Variants in FTCDNL1 observed in about 807,000 individuals in gnomAD.
FTCDNL1 encodes the protein formiminotransferase cyclodeaminase N-terminal like.
Under a neutral mutation model 5.9 loss-of-function variants are expected in FTCDNL1, and 11 were observed. The observed-to-expected ratio is 1.87, with a 90% CI of 1.18 to 3.10. The LOEUF (loss-of-function observed/expected upper bound fraction) is 3.10. Ranked by LOEUF, FTCDNL1 falls within the 30% of genes most tolerant of loss-of-function variation. The pLI, the probability that FTCDNL1 is intolerant of heterozygous loss-of-function variation, is 0.00. For missense variants in FTCDNL1, 115 were observed against 65.5 expected, an observed-to-expected ratio of 1.76 and a Z score of -2.61; for synonymous variants, 58 against 24.8, an observed-to-expected ratio of 2.34 and a Z score of -3.99.
the FTCDNL1 span, among the ~76,000 whole-genome samples, chr2:199,718,194 AT>A: frequency 1.9e-4 from 29 of 151,826 alleles, no homozygotes; most frequent in Admixed American, 6.6e-5. Context: ...CAAACAGGCA[AT>A]TTTTCAACCT....
chr2:199,667,054 G>A, the FTCDNL1 span, among the ~76,000 whole-genome samples: 5 of 151,990 alleles, frequency 3.3e-5, no homozygotes, highest in African/African-American at 1.2e-4. Flanking sequence ...TGAGGAGTGG[G>A]GACTGTGATT....
the FTCDNL1 span, among the ~76,000 whole-genome samples, chr2:199,723,212 GT>G: frequency 6.6e-6 from 1 of 151,772 alleles, no homozygotes; most frequent in Non-Finnish European, 1.5e-5. Context: ...CATAATGCTT[GT>G]GATTTTTGCA....
chr2:199,666,891 A>G, the FTCDNL1 span, among the ~76,000 whole-genome samples: 1 of 151,194 alleles, frequency 6.6e-6, no homozygotes. Flanking sequence ...AGGCTGGGCA[A>G]CAGAGCAAGA....
downstream of FTCDNL1, among the ~76,000 whole-genome samples, chr2:199,757,186 T>A (rs748582762): frequency 6.6e-6 from 1 of 152,094 alleles, no homozygotes; most frequent in Admixed American, 6.6e-5. Flanking sequence ...AGGGGAAAAG[T>A]CCATAACACA....
chr2:199,751,499 G>A, the FTCDNL1 span, among the ~76,000 whole-genome samples: 1 of 152,266 alleles, frequency 6.6e-6, no homozygotes, highest in African/African-American at 2.4e-5. Context: ...GATTGCCTGA[G>A]TCTATTATCA....
chr2:199,723,155 C>T, the FTCDNL1 span, among the ~76,000 whole-genome samples: 1 of 152,006 alleles, frequency 6.6e-6, no homozygotes, highest in Non-Finnish European at 1.5e-5. Context: ...AATCCCCTCT[C>T]TGTGTCCATG....
At chr2:199,764,208 C>T (rs993779499) in intron 3 of FTCDNL1, among the ~76,000 whole-genome samples, 3 of 152,188 alleles carry the variant, frequency 2.0e-5, no homozygotes, top group East Asian at 3.8e-4. Flanking sequence ...CAAAGGGATA[C>T]ACATTACTAA....
chr2:199,840,468 CTG>C (rs1182918111), intron 3 of FTCDNL1, among the ~76,000 whole-genome samples: 1 of 151,602 alleles, frequency 6.6e-6, no homozygotes, highest in Non-Finnish European at 1.5e-5. Context: ...TGGTGTGTGT[CTG>C]TGTTTGTGTG....
At chr2:199,798,302 G>A (rs1327906067) in intron 3 of FTCDNL1, among the ~76,000 whole-genome samples, 1 of 152,168 alleles carries the variant, frequency 6.6e-6, no homozygotes, top group Non-Finnish European at 1.5e-5. Context: ...CTGAGACCAG[G>A]TATTGGAATT....
At chr2:199,674,854 T>C in the FTCDNL1 span, among the ~76,000 whole-genome samples, 1 of 152,332 alleles carries the variant, frequency 6.6e-6, no homozygotes, top group African/African-American at 2.4e-5. Context: ...AATATTTAGA[T>C]AAAAATTTTA....
intron 3 of FTCDNL1, among the ~76,000 whole-genome samples, chr2:199,830,078 G>A (rs1288032371): frequency 6.6e-6 from 1 of 151,482 alleles, no homozygotes; most frequent in African/African-American, 2.4e-5. Context: ...AAATTAAACT[G>A]GGTGCTAGAC....
At chr2:199,753,157 G>A in the FTCDNL1 span, among the ~76,000 whole-genome samples, 1 of 152,174 alleles carries the variant, frequency 6.6e-6, no homozygotes, top group Non-Finnish European at 1.5e-5. Context: ...TGTGGTGATA[G>A]CTGCTGTGTC....
chr2:199,843,893 T>C (rs1196390376), intron 3 of FTCDNL1, among the ~76,000 whole-genome samples: 1 of 151,312 alleles, frequency 6.6e-6, no homozygotes. Context: ...GGGGCTGAAA[T>C]CATTCAAGTG....
chr2:199,727,510 G>T, the FTCDNL1 span, among the ~76,000 whole-genome samples: 1 of 152,204 alleles, frequency 6.6e-6, no homozygotes, highest in South Asian at 2.1e-4. Flanking sequence ...CTTTAGCTGG[G>T]GATGGGAGTT....
the FTCDNL1 span, among the ~76,000 whole-genome samples, chr2:199,751,991 C>T: frequency 7.2e-5 from 11 of 152,040 alleles, no homozygotes; most frequent in East Asian, 9.7e-4. Context: ...CAGGGAGCCA[C>T]GGGTGGATCA....
the FTCDNL1 span, among the ~76,000 whole-genome samples, chr2:199,705,182 A>G: frequency 2.0e-5 from 3 of 152,162 alleles, no homozygotes; most frequent in Admixed American, 6.5e-5. Context: ...TTGATAGACT[A>G]GATATGTGGT....
chr2:199,713,502 C>G, the FTCDNL1 span, among the ~76,000 whole-genome samples: 8 of 152,248 alleles, frequency 5.3e-5, no homozygotes, highest in Non-Finnish European at 8.8e-5. Context: ...GGAGAAAGAC[C>G]TGGGGATTTC....
At chr2:199,772,628 G>A (rs1262784210) in intron 3 of FTCDNL1, among the ~76,000 whole-genome samples, 2 of 152,222 alleles carry the variant, frequency 1.3e-5, no homozygotes, top group East Asian at 3.9e-4. Context: ...CAATACATCT[G>A]CCCCTTCTTG....
the FTCDNL1 span, among the ~76,000 whole-genome samples, chr2:199,697,838 A>C: frequency 4.6e-5 from 7 of 152,230 alleles, no homozygotes; most frequent in African/African-American, 1.7e-4. Context: ...AAGAGTGTCA[A>C]GTTGGATAAG....
Sources: allele counts gnomAD v4.1 joint callset (sites outside exome capture counted in the v4.1 genomes callset), GRCh38; gene constraint gnomAD v4.1.1; transcripts MANE v1.5; gene names NCBI Gene and HGNC (gene_info 2026-07-23, HGNC 2026-07-21).